Variants in COL28A1 observed in about 807,000 individuals in gnomAD.
COL28A1 encodes collagen type XXVIII alpha 1 chain, also known as collagen alpha-1(XXVIII) chain.
COL28A1 carries 161 observed loss-of-function variants against 150.2 expected under a neutral mutation model. The ratio of observed to expected loss-of-function variants is 1.07; its 90% CI spans 0.94 to 1.22. The LOEUF (loss-of-function observed/expected upper bound fraction) is 1.22. Ranked by LOEUF, COL28A1 falls within the 50% of genes most tolerant of loss-of-function variation. The pLI is 0.00. For missense variants in COL28A1, 1,617 were observed against 1,388.3 expected, an observed-to-expected ratio of 1.16 and a Z score of -2.62; for synonymous variants, 552 against 469.7, an observed-to-expected ratio of 1.18 and a Z score of -2.26.
At chr7:7,464,620 A>G (rs1049803932) in intron 15 of COL28A1, among the ~76,000 whole-genome samples, 3 of 152,254 alleles carry the variant, frequency 2.0e-5, no homozygotes, top group African/African-American at 7.2e-5. Context: ...CTGAATGACA[A>G]TAGTGACACA....
Position 7,373,134 on chromosome 7 carries a change from G to A in COL28A1, c.2772C>T (p.Asp924=), listed in dbSNP as rs778722209. 1.2e-6 allele frequency: 2 copies of A among 1,614,180 alleles called. No homozygotes were observed. The highest frequency in any genetic ancestry group is 1.7e-5 in the Admixed American group (1 of 60,026). Residue 924 remains aspartate (D), a synonymous_variant, in exon 32 of 35, where the codon GAC becomes GAT. Coordinates refer to ENST00000399429, the MANE Select transcript of COL28A1 (RefSeq NM_001037763.3). The surrounding 1 kb of genome is among the most constrained non-coding windows in gnomAD (Gnocchi z 4.1). ...CTATCACAAATATCTCCACATTGGTGTCACTGGCATTCTTCACCACCTCTG... is the reference window on the plus strand; with the variant it reads ...CTATCACAAATATCTCCACATTGGTATCACTGGCATTCTTCACCACCTCTG... The part of the protein sequence containing the change: ...KLTEVVKNAS[D]TNVEIFVIGV...
chr7:7,340,432 T>G, the COL28A1 span, among the ~76,000 whole-genome samples: 8 of 152,202 alleles, frequency 5.3e-5, no homozygotes, highest in Admixed American at 3.3e-4. Flanking sequence ...TTATTATTGA[T>G]GTCTAAACTT....
At chr7:7,460,752 C>T (rs1463175655) in intron 15 of COL28A1, among the ~76,000 whole-genome samples, 1 of 152,222 alleles carries the variant, frequency 6.6e-6, no homozygotes, top group Non-Finnish European at 1.5e-5. Flanking sequence ...GGATTCAAAG[C>T]TGCTTTGCTG....
intron 15 of COL28A1, among the ~76,000 whole-genome samples, chr7:7,462,753 G>T (rs1042588269): frequency 3.3e-5 from 5 of 152,098 alleles, no homozygotes; most frequent in African/African-American, 9.7e-5. Flanking sequence ...CAGCTACTGG[G>T]GATGCTGTGG....
At chr7:7,437,288 C>T in intron 22 of COL28A1, 106 bp downstream of exon 22, 1 of 1,456,160 alleles carries the variant, frequency 6.9e-7, no homozygotes, top group Middle Eastern at 2.1e-4. Context: ...GGAATCATTT[C>T]TAAGGCTCTT....
chr7:7,370,794 A>C lies in COL28A1; in HGVS notation c.2997T>G (p.Pro999=), dbSNP rs1440990023. The change falls in exon 33 of 35, where the codon CCT becomes CCG. Residue 999 remains proline, a synonymous_variant. Transcript: ENST00000399429. The stretch of plus-strand genomic sequence containing the variant: ...GTTCTTCCCCTGACATCCCAAATCC[A>C]GGTTGAGGTGACGATGAACCAAAAA... The part of the protein sequence containing the change: ...VQIFGSSSPQ[P]GFGMSGEELS... 1 of 1,613,596 alleles carries C rather than the reference A, an allele frequency of 6.2e-7. No homozygotes were observed. Among genetic ancestry groups the C allele is most frequent in the Non-Finnish European group, 8.5e-7 (1 of 1,179,684 alleles).
rs571560238 is a variant in COL28A1 at position 7,383,981 on chromosome 7, T to C, written c.2137-2369A>G. 8.5e-5 allele frequency among the ~76,000 whole-genome samples: 13 copies of C among 152,202 alleles called. No individual in the cohort carries two copies. In the South Asian group the frequency reaches 2.7e-3, roughly 32 times the overall value. On this transcript the variant is annotated intron_variant, in intron 27 of 34. Coordinates refer to ENST00000399429, the MANE Select transcript of COL28A1 (RefSeq NM_001037763.3). Reference sequence around the variant, plus strand: ...TCTGAAGCTGAACTAAAGGGCTCCATTTTTCACACACCCATCCCTAACCTC... The same window carrying C: ...TCTGAAGCTGAACTAAAGGGCTCCACTTTTCACACACCCATCCCTAACCTC...
intron 16 of COL28A1, among the ~76,000 whole-genome samples, chr7:7,454,699 G>T (rs1787002342): frequency 6.6e-6 from 1 of 152,092 alleles, no homozygotes; most frequent in Admixed American, 6.6e-5. Flanking sequence ...CCCCATAGTG[G>T]TCACTCAGCA....
chr7:7,411,815 A>C (rs996011958), intron 27 of COL28A1, among the ~76,000 whole-genome samples: 1 of 152,134 alleles, frequency 6.6e-6, no homozygotes, highest in Non-Finnish European at 1.5e-5. Flanking sequence ...TCTTTTTAGG[A>C]TAGGATAAAA....
the COL28A1 span, among the ~76,000 whole-genome samples, chr7:7,543,251 C>T: frequency 1.0e-3 from 155 of 152,198 alleles, no homozygotes; most frequent in African/African-American, 3.6e-3. Flanking sequence ...TGGCATTTTC[C>T]TCTTCTTGAA....
At chr7:7,412,417 T>C (rs1050784319) in intron 27 of COL28A1, among the ~76,000 whole-genome samples, 9 of 152,256 alleles carry the variant, frequency 5.9e-5, no homozygotes, top group African/African-American at 2.2e-4. Flanking sequence ...ATTGGAGCAA[T>C]GTCTACACTA....
intron 27 of COL28A1, among the ~76,000 whole-genome samples, chr7:7,386,834 T>C (rs1782213322): frequency 6.6e-6 from 1 of 152,134 alleles, no homozygotes; most frequent in African/African-American, 2.4e-5. Context: ...CAAAATACCA[T>C]AGACTGGGTG....
intron 25 of COL28A1, 32 bp from the exon 26 acceptor site, chr7:7,419,985 A>AT (rs141477375): frequency 0.13 from 182,412 of 1,457,394 alleles, 13,242 homozygotes; most frequent in African/African-American, 0.27. Flanking sequence ...CAAGTTACTA[A>AT]TTTTTTAAAG....
At chr7:7,371,918 C>A (rs925267930) in intron 32 of COL28A1, among the ~76,000 whole-genome samples, 1 of 151,882 alleles carries the variant, frequency 6.6e-6, no homozygotes, top group Admixed American at 6.6e-5. Context: ...CTGTAACCTC[C>A]GCCTCCCAGG....
Position 7,474,626 on chromosome 7 carries a change from T to C in COL28A1, c.1277A>G (p.Gln426Arg). The change falls in exon 15 of 35, where the codon CAA becomes CGA. Residue 426 changes from glutamine to arginine, a missense_variant. Gln to Arg is a conservative substitution (Grantham distance 43). Transcript: ENST00000399429. ...SEGPTGPQGL[Q>R]GLSIKGEKGD... The stretch of plus-strand genomic sequence containing the variant: ...CTTCTCCCCTTTGATTGACAGGCCT[T>C]GTAATCCCTGTGGGCCAGTTGGTCC... 1.5e-6 allele frequency: 2 copies of C among 1,355,012 alleles called. No individual in the cohort carries two copies. Among genetic ancestry groups the C allele is most frequent in the Non-Finnish European group, 2.1e-6 (2 of 943,740 alleles). The allele number at this position is 1,355,012 out of a possible 1,614,324, so 83.9% of individuals were successfully genotyped here. A position where few individuals can be genotyped will look rare whatever the true frequency, so the allele number is the denominator to read the frequency against.
rs1316241678 is a variant in COL28A1 at position 7,375,436 on chromosome 7, T to C, written c.2359+25A>G. 6 of 1,565,972 alleles carry C rather than the reference T, an allele frequency of 3.8e-6. No individual in the cohort carries two copies. The East Asian group carries it at 6.8e-5, about 18-fold the overall frequency. ...TAGTGGGGCTGATGCTTTAAAGTGA[T>C]GTTTTTTCCTTGATCAAATCTTACC... On this transcript the variant is annotated intron_variant, in intron 31 of 34. Transcript: ENST00000399429.
At chr7:7,370,287 C>T (rs1004484949) in intron 33 of COL28A1, among the ~76,000 whole-genome samples, 1 of 152,042 alleles carries the variant, frequency 6.6e-6, no homozygotes, top group Non-Finnish European at 1.5e-5. Flanking sequence ...GGGAGAGTGG[C>T]CAGTTGGGCA....
intron 15 of COL28A1, among the ~76,000 whole-genome samples, chr7:7,461,138 C>A (rs1483126290): frequency 6.6e-6 from 1 of 152,190 alleles, no homozygotes; most frequent in Non-Finnish European, 1.5e-5. Context: ...AACACATACC[C>A]CCACTGGGGA....
intron 27 of COL28A1, among the ~76,000 whole-genome samples, chr7:7,385,251 A>C (rs1356949793): frequency 6.6e-6 from 1 of 152,214 alleles, no homozygotes; most frequent in Non-Finnish European, 1.5e-5. Context: ...TCATTCAATG[A>C]GGTACCTGGT....
Sources: gnomAD v4.1 joint callset for allele counts (sites outside exome capture counted in the v4.1 genomes callset) on GRCh38, gnomAD v4.1.1 for gene constraint, Gnocchi (gnomAD v3.1) non-coding constraint, MANE v1.5 for transcripts, NCBI Gene and HGNC (gene_info 2026-07-23, HGNC 2026-07-21) for gene names.